CSMD1: variants seen among roughly 807,000 people sequenced by gnomAD.
CSMD1 encodes CUB and Sushi multiple domains 1.
Under a neutral mutation model 417.5 loss-of-function variants are expected in CSMD1, and 213 were observed. That is an observed-to-expected ratio of 0.51 (90% CI 0.46 to 0.57). CSMD1 has a LOEUF of 0.57. Ranked by LOEUF, CSMD1 falls within the 20% of genes least tolerant of loss-of-function variation. CSMD1 has a pLI of 0.00. For missense variants in CSMD1, 6,923 were observed against 4,529.7 expected, an observed-to-expected ratio of 1.53 and a Z score of -15.17; for synonymous variants, 2,862 against 1,736.8, an observed-to-expected ratio of 1.65 and a Z score of -16.11.
intron 5 of CSMD1, among the ~76,000 whole-genome samples, chr8:3,963,233 C>T (rs536378159): frequency 6.6e-6 from 1 of 152,222 alleles, no homozygotes; most frequent in South Asian, 2.1e-4. Context: ...CACCCGGCCT[C>T]AGTGTTTTGA....
chr8:4,833,939 G>A (rs1269920858), intron 1 of CSMD1, among the ~76,000 whole-genome samples: 1 of 152,082 alleles, frequency 6.6e-6, no homozygotes, highest in African/African-American at 2.4e-5. Flanking sequence ...ATTCCACAGC[G>A]GCCCCTGACT....
At chr8:4,128,469 C>G (rs1330677807) in intron 3 of CSMD1, among the ~76,000 whole-genome samples, 3 of 152,308 alleles carry the variant, frequency 2.0e-5, no homozygotes, top group Non-Finnish European at 4.4e-5. Flanking sequence ...TCCACATGCT[C>G]TCCAAGGTTT....
In CSMD1 at chr8:4,107,135, T is replaced by C. The variant is rs1801609724; in HGVS notation, c.416-75036A>G. ...GAGGACTAACAACCAAGCATAGTAC[T>C]GGTTCTACTACACACAATTCCAGTC... On this transcript the variant is annotated intron_variant, in intron 3 of 69. Transcript: ENST00000635120. Among the ~76,000 whole-genome samples the C allele has an allele frequency of 2.6e-5, 4 of 152,266 alleles. No homozygotes were observed. The South Asian group carries it at 8.3e-4, about 32-fold the overall frequency.
rs111234343 is a variant in CSMD1 at position 4,342,633 on chromosome 8, CTTTA to C, written c.415+77316_415+77319del. The stretch of plus-strand genomic sequence containing the variant: ...GTAATATGATTCACATGCAGACATT[CTTTA>C]TTTATTTTCATCACATGTGATGCTA... On this transcript the variant is annotated intron_variant, in intron 3 of 69. Transcript: ENST00000635120. Among the ~76,000 whole-genome samples the C allele has an allele frequency of 9.4e-3, 1,429 of 152,178 alleles. 25 individuals are homozygous for C. The highest frequency in any genetic ancestry group is 0.033 in the African/African-American group (1,376 of 41,546).
intron 6 of CSMD1, among the ~76,000 whole-genome samples, chr8:3,727,229 C>G (rs1802548576): frequency 1.3e-5 from 2 of 152,162 alleles, no homozygotes; most frequent in South Asian, 4.1e-4. Flanking sequence ...TTGCGTTTGA[C>G]AATTATCACA....
intron 3 of CSMD1, among the ~76,000 whole-genome samples, chr8:4,264,693 C>T (rs1380759922): frequency 6.6e-6 from 1 of 152,146 alleles, no homozygotes; most frequent in Non-Finnish European, 1.5e-5. Context: ...ATAAGGGGAA[C>T]AGGGCCTTAA....
At chr8:4,554,270 G>A (rs149358593) in intron 2 of CSMD1, among the ~76,000 whole-genome samples, 2 of 152,046 alleles carry the variant, frequency 1.3e-5, no homozygotes, top group Non-Finnish European at 2.9e-5. Context: ...CTGAGTAGCT[G>A]AGACTACAGG....
At chr8:3,336,107 T>A (rs1291154214) in intron 23 of CSMD1, among the ~76,000 whole-genome samples, 1 of 152,284 alleles carries the variant, frequency 6.6e-6, no homozygotes, top group South Asian at 2.1e-4. Flanking sequence ...TCCTGAACCA[T>A]GGAACCATGG....
At chr8:4,191,247 T>C (rs1283976477) in intron 3 of CSMD1, among the ~76,000 whole-genome samples, 1 of 151,764 alleles carries the variant, frequency 6.6e-6, no homozygotes, top group African/African-American at 2.4e-5. Flanking sequence ...ACACAAAAAA[T>C]TAGCAGGGCA....
chr8:3,732,033 A>G (rs1352341488), intron 6 of CSMD1, among the ~76,000 whole-genome samples: 3 of 127,556 alleles, frequency 2.4e-5, no homozygotes, highest in Admixed American at 8.0e-5. Context: ...TGCTCTCCAC[A>G]TTTTTTAGAC....
intron 2 of CSMD1, among the ~76,000 whole-genome samples, chr8:4,422,898 G>T (rs887228704): frequency 2.6e-5 from 4 of 151,968 alleles, no homozygotes; most frequent in Non-Finnish European, 4.4e-5. Flanking sequence ...CATATAATCT[G>T]CAATATTAAT....
At chr8:3,784,345 C>G (rs1421353554) in intron 5 of CSMD1, among the ~76,000 whole-genome samples, 1 of 152,100 alleles carries the variant, frequency 6.6e-6, no homozygotes, top group Non-Finnish European at 1.5e-5. Flanking sequence ...AAAAGTTGTT[C>G]TATTGAAAAA....
chr8:4,428,702 A>C (rs1313026982), intron 2 of CSMD1, among the ~76,000 whole-genome samples: 6 of 151,870 alleles, frequency 4.0e-5, no homozygotes, highest in African/African-American at 1.2e-4. Flanking sequence ...GTTCATTTTA[A>C]ATTTGGTTAT....
chr8:3,466,641 C>T (rs928400453), intron 12 of CSMD1, among the ~76,000 whole-genome samples: 52 of 145,562 alleles, frequency 3.6e-4, no homozygotes, highest in Non-Finnish European at 2.2e-4. Context: ...GTTGGCCAGG[C>T]TGGTCTGGAA....
intron 3 of CSMD1, among the ~76,000 whole-genome samples, chr8:4,245,522 T>C (rs997476366): frequency 2.0e-5 from 3 of 152,174 alleles, no homozygotes; most frequent in Non-Finnish European, 2.9e-5. Flanking sequence ...TCCCAATCCA[T>C]GGTCTCTCCA....
At chr8:4,206,760 A>T (rs910780745) in intron 3 of CSMD1, among the ~76,000 whole-genome samples, 1 of 152,126 alleles carries the variant, frequency 6.6e-6, no homozygotes, top group Non-Finnish European at 1.5e-5. Flanking sequence ...TTCCAATGAA[A>T]CCATATCATT....
intron 3 of CSMD1, among the ~76,000 whole-genome samples, chr8:4,213,471 C>T (rs1563283911): frequency 6.6e-6 from 1 of 152,300 alleles, no homozygotes; most frequent in East Asian, 1.9e-4. Context: ...GGATACTGGC[C>T]AGTTACTAGA....
chr8:3,808,463 T>C (rs2720884), intron 5 of CSMD1, among the ~76,000 whole-genome samples: 10,368 of 152,214 alleles, frequency 0.068, 660 homozygotes, highest in East Asian at 0.31. Context: ...TGTTTCTCTC[T>C]TTATACTTTT....
rs376028956 is a variant in CSMD1, at chr8:3,723,374, A to G, written c.932-14883T>C. On this transcript the variant is annotated intron_variant, in intron 6 of 69. Coordinates refer to ENST00000635120, the MANE Select transcript of CSMD1 (RefSeq NM_033225.6). ...GCACCATCTCCCTTTCTTAAAGTCA[A>G]TTGAGCCATAAGCTAATCATAGGAC... Among the ~76,000 whole-genome samples, 127 of 152,304 alleles carry G rather than the reference A, an allele frequency of 8.3e-4. 1 individual carries two copies. The South Asian group carries it at 0.019, about 23-fold the overall frequency.
Sources: allele counts gnomAD v4.1 joint callset (sites outside exome capture counted in the v4.1 genomes callset), GRCh38; gene constraint gnomAD v4.1.1; transcripts MANE v1.5; gene names NCBI Gene and HGNC (gene_info 2026-07-23, HGNC 2026-07-21).